Variants in LIPA observed in about 807,000 individuals in gnomAD.
LIPA encodes the protein lysosomal acid lipase/cholesteryl ester hydrolase.
In LIPA, 26 loss-of-function variants were observed where a neutral mutation model predicts 40.6. The ratio of observed to expected loss-of-function variants is 0.64; its 90% CI spans 0.47 to 0.89. The LOEUF is 0.89. Ranked by LOEUF, LIPA falls within the 40% of genes least tolerant of loss-of-function variation. The pLI, the probability that LIPA is intolerant of heterozygous loss-of-function variation, is 0.00. For synonymous variants in LIPA, 188 were observed against 168.4 expected (o/e 1.12, Z -0.90); for missense variants, 455 against 479.6 (o/e 0.95, Z 0.48).
chr10:89,354,123 T>C (rs936729963), intron 2 of LIPA, among the ~76,000 whole-genome samples: 2 of 152,232 alleles, frequency 1.3e-5, no homozygotes, highest in African/African-American at 2.4e-5. Flanking sequence ...CAGAACTGTA[T>C]GGATTTGCTG....
At chr10:89,343,987 C>T (rs1843894712), upstream of LIPA, among the ~76,000 whole-genome samples, 1 of 152,180 alleles carries the variant, frequency 6.6e-6, no homozygotes, top group Admixed American at 6.5e-5. Flanking sequence ...TGGGTTTAGA[C>T]CTATTTCAAC....
chr10:89,398,312 C>T (rs1844374308), intron 2 of LIPA, among the ~76,000 whole-genome samples: 2 of 152,222 alleles, frequency 1.3e-5, no homozygotes, highest in African/African-American at 2.4e-5. Flanking sequence ...TGATCATCCA[C>T]ATGCGTGATG....
chr10:89,241,778 A>G (rs1415488849), intron 3 of LIPA, among the ~76,000 whole-genome samples: 1 of 152,142 alleles, frequency 6.6e-6, no homozygotes, highest in Admixed American at 6.5e-5. Flanking sequence ...TAACTTTCAG[A>G]TACAAATGTG....
intron 2 of LIPA, chr10:89,402,515 CTT>C: frequency 3.1e-6 from 5 of 1,614,182 alleles, no homozygotes; most frequent in Non-Finnish European, 4.2e-6. Context: ...AAGCTGAAAA[CTT>C]AATGCAGGAA....
Position 89,213,919 on chromosome 10 carries a change from A to T in LIPA, c.*909T>A, listed in dbSNP as rs1131706. On this transcript the variant is annotated 3_prime_UTR_variant, in exon 10 of 10. Coordinates refer to ENST00000336233, the MANE Select transcript of LIPA (RefSeq NM_000235.4). Reference sequence around the variant, plus strand: ...ACACTTCATTTGGGTGAAAATGAACAAGGACACTTCTCATGGGCAACCACG... The same window carrying T: ...ACACTTCATTTGGGTGAAAATGAACTAGGACACTTCTCATGGGCAACCACG... 0.21 allele frequency: 31,880 copies of T among 152,178 alleles called. 4,601 individuals carry two copies. Among genetic ancestry groups the T allele is most frequent in the African/African-American group, 0.41 (16,977 of 41,468 alleles). The allele number at this position is 152,178 out of a possible 1,614,324, so 9.4% of individuals were successfully genotyped here.
At chr10:89,396,167 G>A (rs1844339877) in intron 2 of LIPA, among the ~76,000 whole-genome samples, 1 of 152,108 alleles carries the variant, frequency 6.6e-6, no homozygotes, top group African/African-American at 2.4e-5. Context: ...ACTTATTGAG[G>A]AACCACCACA....
chr10:89,287,015 G>A (rs765451570), intron 1 of LIPA, among the ~76,000 whole-genome samples: 11 of 152,190 alleles, frequency 7.2e-5, no homozygotes, highest in Admixed American at 2.0e-4. Context: ...CCCACAGCCC[G>A]GGATTCCTCC....
chr10:89,372,611 A>T (rs561572301), intron 2 of LIPA, among the ~76,000 whole-genome samples: 53 of 152,378 alleles, frequency 3.5e-4, no homozygotes, highest in South Asian at 1.9e-3. Context: ...GATAATTCAT[A>T]GCTTGCTGAT....
chr10:89,368,947 C>T (rs1844077188), intron 2 of LIPA, among the ~76,000 whole-genome samples: 1 of 151,872 alleles, frequency 6.6e-6, no homozygotes, highest in African/African-American at 2.4e-5. Flanking sequence ...CACACACACA[C>T]ACACACAAAT....
At chr10:89,224,954 G>C in intron 6 of LIPA, 138 bp downstream of exon 6, 1 of 1,155,928 alleles carries the variant, frequency 8.7e-7, no homozygotes, top group Admixed American at 1.7e-5. Flanking sequence ...AGGGGTAAAC[G>C]GAAAAAGAAA....
chr10:89,244,720 C>T (rs918119412), intron 3 of LIPA, among the ~76,000 whole-genome samples: 6 of 151,888 alleles, frequency 4.0e-5, no homozygotes, highest in African/African-American at 1.5e-4. Context: ...TGCAGTTTTG[C>T]TTGAGTTATA....
At chr10:89,283,019 C>T (rs755179689) in intron 1 of LIPA, among the ~76,000 whole-genome samples, 1 of 152,186 alleles carries the variant, frequency 6.6e-6, no homozygotes, top group African/African-American at 2.4e-5. Context: ...AAGCCCTGAG[C>T]AAAAATTCTC....
At chr10:89,296,981 G>A (rs112991619) in intron 1 of LIPA, among the ~76,000 whole-genome samples, 1 of 152,182 alleles carries the variant, frequency 6.6e-6, no homozygotes, top group African/African-American at 2.4e-5. Context: ...TGGCTGACTA[G>A]AGACATCAGA....
intron 1 of LIPA, among the ~76,000 whole-genome samples, chr10:89,323,013 C>A (rs1024379557): frequency 6.6e-6 from 1 of 152,168 alleles, no homozygotes; most frequent in Non-Finnish European, 1.5e-5. Flanking sequence ...AGGTAGGCAA[C>A]CCCACCTACC....
intron 2 of LIPA, chr10:89,393,284 A>T: frequency 7.8e-7 from 1 of 1,289,674 alleles, no homozygotes; most frequent in Non-Finnish European, 1.0e-6. Context: ...AGGTTTTCGC[A>T]ATCAGGCTGA....
At chr10:89,269,978 A>C (rs1262635098) in intron 1 of LIPA, among the ~76,000 whole-genome samples, 1 of 152,110 alleles carries the variant, frequency 6.6e-6, no homozygotes, top group Non-Finnish European at 1.5e-5. Flanking sequence ...TGTGACCTTT[A>C]CTCCAATTTC....
At position 89,360,434 on chromosome 10, in the gene LIPA, C is replaced by T. The variant is rs74146914; in HGVS notation, c.61+52357G>A. ...AGAATGAAACCCAGTCTACATTTGG[C>T]TCACCAAGATAAGTGTCCTGGCAAG... On this transcript the variant is annotated intron_variant, in intron 2 of 8. Coordinates refer to the LIPA transcript ENST00000371837. Among the ~76,000 whole-genome samples, 1,515 of 152,310 alleles carry T rather than the reference C, an allele frequency of 9.9e-3. 23 individuals carry two copies. Among genetic ancestry groups the T allele is most frequent in the African/African-American group, 0.035 (1,452 of 41,564 alleles).
chr10:89,368,154 A>C (rs1844072238), intron 2 of LIPA, among the ~76,000 whole-genome samples: 1 of 152,222 alleles, frequency 6.6e-6, no homozygotes, highest in African/African-American at 2.4e-5. Flanking sequence ...TGGGCTGCAT[A>C]TGAGTGCTTT....
intron 1 of LIPA, among the ~76,000 whole-genome samples, chr10:89,319,640 C>T (rs527796909): frequency 3.3e-5 from 5 of 152,108 alleles, no homozygotes; most frequent in African/African-American, 1.2e-4. Context: ...GGTACAAAGA[C>T]GAGCTGGTAC....
Sources: gnomAD v4.1 joint callset for allele counts (sites outside exome capture counted in the v4.1 genomes callset) on GRCh38, gnomAD v4.1.1 for gene constraint, MANE v1.5 for transcripts, NCBI Gene and HGNC (gene_info 2026-07-23, HGNC 2026-07-21) for gene names.